Variants in KDM8 observed in about 807,000 individuals in gnomAD.
KDM8 encodes the protein bifunctional peptidase and arginyl-hydroxylase JMJD5.
In KDM8, 35 loss-of-function variants were observed where a neutral mutation model predicts 46.9. The ratio of observed to expected loss-of-function variants is 0.75; its 90% confidence interval spans 0.57 to 0.99. KDM8 has a LOEUF of 0.99. Among genes scored for constraint, KDM8 ranks in the 50% least tolerant of loss-of-function variants. The pLI, the probability that KDM8 is intolerant of heterozygous loss-of-function variation, is 0.00. For synonymous variants in KDM8, 232 were observed against 227.7 expected (o/e 1.02, Z -0.17); for missense variants, 475 against 537.0 (o/e 0.88, Z 1.14).
intron 5 of KDM8, among the ~76,000 whole-genome samples, chr16:27,218,711 G>A (rs1377639874): frequency 6.6e-6 from 1 of 152,184 alleles, no homozygotes; most frequent in Non-Finnish European, 1.5e-5. Flanking sequence ...TTAGCCGGGT[G>A]TGGTGCATGC....
rs761792329 is a variant in KDM8 at position 27,220,614 on chromosome 16, G to A, written c.1135G>A (p.Ala379Thr). ...DLEKFPKFAK[A>T]PFLSCILSPG... ...GGAAAAGTTCCCCAAGTTTGCCAAG[G>A]CCCCATTCCTGTCCTGCATCCTGTC... Residue 379 changes from alanine (A) to threonine (T), a missense_variant, in exon 8 of 8, where the codon GCC becomes ACC. Physicochemically the swap from Ala to Thr is moderately conservative, Grantham distance 58. Coordinates refer to ENST00000286096, the MANE Select transcript of KDM8 (RefSeq NM_024773.3). 6.2e-7 allele frequency: 1 copy of A among 1,614,120 alleles called. No individual in the cohort carries two copies.
At position 27,220,755 on chromosome 16, in the gene KDM8, G is replaced by A; in HGVS notation, c.*25G>A. 6.2e-7 allele frequency: 1 copy of A among 1,612,518 alleles called. No individual in the cohort carries two copies. The highest frequency in any genetic ancestry group is 8.5e-7 in the Non-Finnish European group (1 of 1,178,528). On this transcript the variant is annotated 3_prime_UTR_variant, in exon 8 of 8. Coordinates refer to ENST00000286096, the MANE Select transcript of KDM8 (RefSeq NM_024773.3). Reference sequence around the variant, plus strand: ...GCCAGGATAGGAGCTGAAAGGGCCTGACATGCAGACAGCATTCATCTGTTC... The same window carrying A: ...GCCAGGATAGGAGCTGAAAGGGCCTAACATGCAGACAGCATTCATCTGTTC...
intron 2 of KDM8, among the ~76,000 whole-genome samples, chr16:27,212,733 C>CAATA (rs990094058): frequency 1.8e-4 from 27 of 152,182 alleles, no homozygotes; most frequent in East Asian, 3.9e-4. Context: ...GACTCGGTCT[C>CAATA]AATAAATAAA....
At position 27,210,449 on chromosome 16, in the gene KDM8, C is replaced by T; in HGVS notation, c.326C>T (p.Ala109Val). 1 of 1,598,400 alleles carries T rather than the reference C, an allele frequency of 6.3e-7. No individual in the cohort carries two copies. Among genetic ancestry groups the T allele is most frequent in the Non-Finnish European group, 8.6e-7 (1 of 1,168,932 alleles). The change falls in exon 2 of 8, where the codon GCA (alanine) becomes GTA (valine). Residue 109 changes from alanine (A) to valine (V), a missense_variant. By Grantham distance (64) the Ala-to-Val change is moderately conservative (BLOSUM62 0). Transcript: ENST00000286096. ...CTGAAAGCCCTGTGTCTGTGCCAGG[C>T]ACCTGAGGATGCCAACACTGTGGCC... ...CLLKALCLCQ[A>V]PEDANTVAAA... is the part of the protein sequence containing the mutation.
chr16:27,204,136 G>T (rs1456776342), intron 1 of KDM8: 1 of 1,541,654 alleles, frequency 6.5e-7, no homozygotes, highest in East Asian at 2.5e-5. Context: ...GCTGAGGAGG[G>T]AAGGGGGTCT....
At chr16:27,209,718 G>C (rs1275291431) in intron 1 of KDM8, among the ~76,000 whole-genome samples, 2 of 152,226 alleles carry the variant, frequency 1.3e-5, no homozygotes, top group African/African-American at 4.8e-5. Context: ...AGAAGCTCAA[G>C]GGCTGCAGGA....
chr16:27,209,730 C>T (rs1567262005), intron 1 of KDM8, among the ~76,000 whole-genome samples: 2 of 152,320 alleles, frequency 1.3e-5, no homozygotes, highest in African/African-American at 4.8e-5. Flanking sequence ...GCTGCAGGAA[C>T]ACAGAACACT....
At chr16:27,213,408 A>C in intron 2 of KDM8, 177 bp from the exon 3 acceptor site, 2 of 578,352 alleles carry the variant, frequency 3.5e-6, no homozygotes, top group Non-Finnish European at 5.9e-6. Flanking sequence ...AACCACCTTG[A>C]TCTCATGAGG....
At chr16:27,204,445 T>A (rs1108029) in intron 1 of KDM8, 2 of 989,922 alleles carry the variant, frequency 2.0e-6, no homozygotes, top group Non-Finnish European at 2.6e-6. Flanking sequence ...TTCCAAACTT[T>A]CCTGGGAAGT....
At chr16:27,209,724 C>T (rs560224059) in intron 1 of KDM8, among the ~76,000 whole-genome samples, 6 of 152,322 alleles carry the variant, frequency 3.9e-5, no homozygotes, top group African/African-American at 1.2e-4. Context: ...TCAAGGGCTG[C>T]AGGAACACAG....
rs777418053 is a variant in KDM8, at chr16:27,215,949, G to T, written c.803G>T (p.Arg268Met). 1 of 1,614,180 alleles carries T rather than the reference G, an allele frequency of 6.2e-7. No homozygotes were observed. Among genetic ancestry groups the T allele is most frequent in the Non-Finnish European group, 8.5e-7 (1 of 1,180,026 alleles). Residue 268 changes from arginine to methionine, a missense_variant, in exon 5 of 8, where the codon AGG (arginine) becomes ATG (methionine). Transcript: ENST00000286096. ...TGGTTTTCCCCGGTGGATTAGCCAA[G>T]GGACGTCGGGTACCTTGCTCAGCAC... is the stretch of plus-strand genomic sequence containing the variant. ...FISKYIVNEP[R>M]DVGYLAQHQL...
At position 27,213,697 on chromosome 16, in the gene KDM8, G is replaced by C. The variant is rs1230629193; in HGVS notation, c.611G>C (p.Arg204Thr). 3 of 1,614,196 alleles carry C rather than the reference G, an allele frequency of 1.9e-6. No homozygotes were observed. Among genetic ancestry groups the C allele is most frequent in the Middle Eastern group, 1.6e-4 (1 of 6,062 alleles). The change falls in exon 3 of 8, where the codon AGG becomes ACG. Residue 204 changes from arginine to threonine, a missense_variant. Physicochemically the swap from Arg to Thr is moderately conservative, Grantham distance 71 (BLOSUM62 -1). Coordinates refer to ENST00000286096, the MANE Select transcript of KDM8 (RefSeq NM_024773.3). Reference sequence around the variant, plus strand: ...AGGGAGCAGTTTTTGGTTCCAGGGAGGCCCGTGATCCTGAAAGGCGTGGCT... The same window carrying C: ...AGGGAGCAGTTTTTGGTTCCAGGGACGCCCGTGATCCTGAAAGGCGTGGCT... ...HFREQFLVPG[R>T]PVILKGVADH... is the part of the protein sequence containing the mutation.
chr16:27,219,145 T>A, intron 6 of KDM8, 35 bp downstream of exon 6: 1 of 1,569,466 alleles, frequency 6.4e-7, no homozygotes, highest in Non-Finnish European at 8.7e-7. Flanking sequence ...GCCTTCTAAC[T>A]CCTCCTGGCC....
Position 27,220,854 on chromosome 16 carries a change from C to T in KDM8, c.*124C>T. The T allele has an allele frequency of 8.5e-7, 1 of 1,176,236 alleles. No individual in the cohort carries two copies. The allele number at this position is 1,176,236 out of a possible 1,614,324, so 72.9% of individuals were successfully genotyped here. A position where few individuals can be genotyped will look rare whatever the true frequency, so the allele number is the denominator to read the frequency against. ...TGTGTCCTGAAGAGCCTTCACTGCC[C>T]AGTGGCAGCCCTGGGGGGCTGAGCT... is the stretch of plus-strand genomic sequence containing the variant. On this transcript the variant is annotated 3_prime_UTR_variant, in exon 8 of 8. Coordinates refer to ENST00000286096, the MANE Select transcript of KDM8 (RefSeq NM_024773.3).
chr16:27,217,364 G>T (rs1460495305), intron 5 of KDM8, among the ~76,000 whole-genome samples: 1 of 152,196 alleles, frequency 6.6e-6, no homozygotes, highest in Admixed American at 6.5e-5. Flanking sequence ...TCCTCGGCCA[G>T]TGATTCTGAT....
At chr16:27,211,373 G>T in intron 2 of KDM8, 1 of 357,932 alleles carries the variant, frequency 2.8e-6, no homozygotes, top group Non-Finnish European at 5.5e-6. Flanking sequence ...TCTGTTTTGG[G>T]GTCAATCTCT....
chr16:27,220,555 G>T lies in KDM8; in HGVS notation c.1087-11G>T. 1 of 1,614,176 alleles carries T rather than the reference G, an allele frequency of 6.2e-7. No individual in the cohort carries two copies. The highest frequency in any genetic ancestry group is 8.5e-7 in the Non-Finnish European group (1 of 1,180,028). On this transcript the variant is annotated splice_polypyrimidine_tract_variant and intron_variant, in intron 7 of 7. Transcript: ENST00000286096. ...GCCCCTGGAGATGATGACGTCCTTTGCTTTCTTCAGGTTGACGTGGAGAAT... is the reference window on the plus strand; with the variant it reads ...GCCCCTGGAGATGATGACGTCCTTTTCTTTCTTCAGGTTGACGTGGAGAAT...
At chr16:27,218,330 C>T (rs2083577231) in intron 5 of KDM8, among the ~76,000 whole-genome samples, 1 of 152,174 alleles carries the variant, frequency 6.6e-6, no homozygotes, top group African/African-American at 2.4e-5. Flanking sequence ...CCACTGCGGC[C>T]CTGCCCCACC....
At chr16:27,215,558 A>C (rs1596656015) in intron 4 of KDM8, among the ~76,000 whole-genome samples, 1 of 152,284 alleles carries the variant, frequency 6.6e-6, no homozygotes, top group Middle Eastern at 3.4e-3. Context: ...TCCAGCTTGG[A>C]CAATAGAACC....
Sources: allele counts gnomAD v4.1 joint callset (sites outside exome capture counted in the v4.1 genomes callset), GRCh38; gene constraint gnomAD v4.1.1; transcripts MANE v1.5; gene names NCBI Gene and HGNC (gene_info 2026-07-23, HGNC 2026-07-21).